PLEC: variants seen among roughly 807,000 people sequenced by gnomAD.
PLEC encodes the protein plectin.
In PLEC, 216 loss-of-function variants were observed where a neutral mutation model predicts 392.8. That is an observed-to-expected ratio of 0.55 (90% CI 0.49 to 0.62). PLEC has a LOEUF of 0.62. PLEC is among the 20% of genes least tolerant of loss of function. The pLI is 0.00. For synonymous variants in PLEC, 3,621 were observed against 2,980.6 expected, an observed-to-expected ratio of 1.21 and a Z score of -7.00; for missense variants, 6,863 against 6,563.4, an observed-to-expected ratio of 1.05 and a Z score of -1.58.
chr8:143,922,768 C>T lies in PLEC; in HGVS notation c.7161G>A (p.Leu2387=), dbSNP rs781982762. The change falls in exon 31 of 32, where the codon CTG becomes CTA. Residue 2387 remains leucine (L), a synonymous_variant. Transcript: ENST00000345136. ...EMSAEAERLK[L]RVAEMSRAQA... is the part of the protein sequence containing the mutation. ...GGGCTCGGCTCATCTCGGCCACACG[C>T]AGCTTGAGGCGCTCAGCCTCAGCGC... 3.2e-5 allele frequency: 52 copies of T among 1,606,074 alleles called. No individual in the cohort carries two copies. Among genetic ancestry groups the T allele is most frequent in the Non-Finnish European group, 3.9e-5 (46 of 1,178,372 alleles).
chr8:143,922,259 T>C lies in PLEC; in HGVS notation c.7562A>G (p.Gln2521Arg). ...CTGCTGTGCCTTGGCCACCTCGTCC[T>C]GGAAGAGCTGCTCCAGCTTGGCCTT... ...QEKAKLEQLF[Q>R]DEVAKAQQLR... The change falls in exon 32 of 32, where the codon CAG (glutamine) becomes CGG (arginine). Residue 2521 changes from glutamine to arginine, a missense_variant. Transcript: ENST00000345136. 6.3e-7 allele frequency: 1 copy of C among 1,599,788 alleles called. No homozygotes were observed. Among genetic ancestry groups the C allele is most frequent in the South Asian group, 1.1e-5 (1 of 90,112 alleles).
rs111227648 is a variant in PLEC at position 143,917,179 on chromosome 8, G to A, written c.12642C>T (p.Ile4214=). The stretch of plus-strand genomic sequence containing the variant: ...GGTACTGGTCCAGTGCCGAGCGGTC[G>A]ATGAGGTTCTTGGCGATGGCATCAT... ...DIDDAIAKNL[I]DRSALDQYRA... is the part of the protein sequence containing the mutation. Residue 4214 remains isoleucine, a synonymous_variant, in exon 32 of 32, where the codon ATC becomes ATT. Transcript: ENST00000345136. 4,274 of 1,612,364 alleles carry A rather than the reference G, an allele frequency of 2.7e-3. 7 individuals are homozygous for A. Among genetic ancestry groups the A allele is most frequent in the Non-Finnish European group, 3.3e-3 (3,903 of 1,179,174 alleles).
upstream of PLEC, among the ~76,000 whole-genome samples, chr8:143,951,423 T>G (rs1453055896): frequency 6.6e-6 from 1 of 151,968 alleles, no homozygotes; most frequent in African/African-American, 2.4e-5. Context: ...CCACAGCACA[T>G]GAGGAGGGCT....
At position 143,923,397 on chromosome 8, in the gene PLEC, G is replaced by C. The variant is rs1261275363; in HGVS notation, c.6532C>G (p.Leu2178Val). 16 of 1,610,706 alleles carry C rather than the reference G, an allele frequency of 9.9e-6. No individual in the cohort carries two copies. Among genetic ancestry groups the C allele is most frequent in the Non-Finnish European group, 1.2e-5 (14 of 1,179,712 alleles). ...EKHKKFAEQTLRQKAQVEQEL... is the reference protein window; with the variant it reads ...EKHKKFAEQTVRQKAQVEQEL... ...TGCTCCACCTGCGCCTTCTGCCGCA[G>C]CGTCTGCTCGGCGAATTTCTTATGC... The change falls in exon 31 of 32, where the codon CTG (leucine) becomes GTG (valine). Residue 2178 changes from leucine to valine, a missense_variant. By Grantham distance (32) the Leu-to-Val change is conservative. Transcript: ENST00000345136.
chr8:143,958,793 C>A, upstream of PLEC: 1 of 327,578 alleles, frequency 3.1e-6, no homozygotes, highest in Non-Finnish European at 6.5e-6. The surrounding 1 kb of genome is among the most constrained non-coding windows in gnomAD (Gnocchi z 4.9). Flanking sequence ...AGCCCTCCAA[C>A]ACCGAGACAC....
In PLEC at chr8:143,924,875, C is replaced by T. The variant is rs782726656; in HGVS notation, c.5054G>A (p.Arg1685Gln). ...RRGKAEEQAV[R>Q]QRELAEQELE... ...CTCTTGTTCAGCCAGCTCCCGCTGC[C>T]GGACGGCCTGCTCCTCCGCCTTGCC... Residue 1685 changes from arginine to glutamine, a missense_variant, in exon 31 of 32, where the codon CGG (arginine) becomes CAG (glutamine). By Grantham distance (43) the Arg-to-Gln change is conservative. Transcript: ENST00000345136. 48 of 1,588,608 alleles carry T rather than the reference C, an allele frequency of 3.0e-5. No homozygotes were observed. Among genetic ancestry groups the T allele is most frequent in the Admixed American group, 8.4e-5 (5 of 59,332 alleles).
At chr8:143,958,750 T>C (rs1404752913), upstream of PLEC, 1 of 388,476 alleles carries the variant, frequency 2.6e-6, no homozygotes, top group Non-Finnish European at 5.5e-6. This position sits in a 1 kb window ranked among gnomAD's most constrained non-coding sequence, Gnocchi z 4.9. Flanking sequence ...GCTTCTCACC[T>C]GATCCATGGT....
chr8:143,961,370 C>T (rs1441415438), intron 1 of PLEC, among the ~76,000 whole-genome samples: 5 of 152,162 alleles, frequency 3.3e-5, no homozygotes, highest in African/African-American at 9.6e-5. Flanking sequence ...GGATTACAGG[C>T]GTGCACCACC....
At chr8:143,950,395 G>T (rs199886941) in exon 1 of PLEC, 1 of 1,604,042 alleles carries the variant, frequency 6.2e-7, no homozygotes, top group African/African-American at 1.3e-5. Context: ...TCACCATGGC[G>T]ACGGGGCGGC....
intron 1 of PLEC, chr8:143,944,728 C>T: frequency 7.9e-7 from 1 of 1,271,930 alleles, no homozygotes; most frequent in Non-Finnish European, 1.0e-6. Context: ...GGTCACAGGC[C>T]CCTCGGAGGA....
rs782113968 is a variant in PLEC at position 143,923,546 on chromosome 8, CGGGCCTGTGCCT to C, written c.6371_6382del (p.Gln2124_Ala2127del). The C allele has an allele frequency of 1.9e-6, 3 of 1,598,076 alleles. No individual in the cohort carries two copies. The highest frequency in any genetic ancestry group is 2.5e-6 in the Non-Finnish European group (3 of 1,178,134). The stretch of plus-strand genomic sequence containing the variant: ...CTCTGCAGCCGCCTGTGCCTGAGCC[CGGGCCTGTGCCT>C]GCTCCTCTGCCGACTGCTTCAGCCG... On this transcript the variant is annotated inframe_deletion, in exon 31 of 32. Coordinates refer to ENST00000345136, the MANE Select transcript of PLEC (RefSeq NM_201384.3).
chr8:143,925,879 C>T lies in PLEC; in HGVS notation c.4050G>A (p.Leu1350=), dbSNP rs1554704446. Residue 1350 remains leucine (L), a synonymous_variant, in exon 31 of 32, where the codon CTG becomes CTA. Transcript: ENST00000345136. The part of the protein sequence containing the change: ...TLRRMEEEER[L]AEQQRAEERE... ...GCTCCTCTGCCCGCTGCTGCTCAGC[C>T]AGCCTCTGTGGCCACAGCAGAGAGA... is the stretch of plus-strand genomic sequence containing the variant. 1 of 1,544,380 alleles carries T rather than the reference C, an allele frequency of 6.5e-7. No homozygotes were observed.
intron 1 of PLEC, among the ~76,000 whole-genome samples, chr8:143,962,648 C>A (rs1832921833): frequency 6.6e-6 from 1 of 152,168 alleles, no homozygotes. Context: ...TGTGGTGAAG[C>A]CTTAGAAGGC....
intron 3 of PLEC, 97 bp from the exon 4 acceptor site, chr8:143,937,339 C>G: frequency 1.1e-6 from 1 of 899,442 alleles, no homozygotes; most frequent in Non-Finnish European, 1.8e-6. Context: ...AGCCAAGGGT[C>G]TTCCCCAGGG....
rs782187697 is a variant in PLEC at position 143,937,024 on chromosome 8, G to A, written c.390C>T (p.Pro130=). 1.9e-5 allele frequency: 31 copies of A among 1,613,016 alleles called. No homozygotes were observed. In the Admixed American group the frequency reaches 5.2e-4, roughly 27 times the overall value. ...TCCAGATGAGGCCAAGGGTCAGCTT[G>A]GGGTTGCCGTCAGCGATGTCATCAT... The part of the protein sequence containing the change: ...IRNDDIADGN[P]KLTLGLIWTI... The change falls in exon 5 of 32, where the codon CCC becomes CCT. Residue 130 remains proline (P), a synonymous_variant. Coordinates refer to ENST00000345136, the MANE Select transcript of PLEC (RefSeq NM_201384.3).
intron 2 of PLEC, 134 bp downstream of exon 2, chr8:143,938,497 A>G: frequency 6.4e-7 from 1 of 1,563,132 alleles, no homozygotes. Flanking sequence ...AAGAGGACAG[A>G]AAATAACAGG....
chr8:143,918,521 GC>G lies in PLEC; in HGVS notation c.11299del (p.Ala3767ArgfsTer20). ...LHDRLLSAER[A>X]VTGYRDPYTE... ...GTAGGGGTCACGGTAGCCGGTGACC[GC>G]CCGCTCAGCCGAGAGCAGGCGGTCG... On this transcript the variant is annotated frameshift_variant, in exon 32 of 32. Coordinates refer to ENST00000345136, the MANE Select transcript of PLEC (RefSeq NM_201384.3). LOFTEE classifies it high-confidence loss of function. The G allele has an allele frequency of 6.2e-7, 1 of 1,607,266 alleles. No homozygotes were observed. Among genetic ancestry groups the G allele is most frequent in the Non-Finnish European group, 8.5e-7 (1 of 1,178,108 alleles).
rs1554724116 is a variant in PLEC at position 143,937,165 on chromosome 8, C to G, written c.342G>C (p.Gln114His). 8 of 1,612,290 alleles carry G rather than the reference C, an allele frequency of 5.0e-6. No individual in the cohort carries two copies. Residue 114 changes from glutamine to histidine, a missense_variant and splice_region_variant, in exon 4 of 32, where the codon CAG (glutamine) becomes CAC (histidine). By Grantham distance (24) the Gln-to-His change is conservative. Transcript: ENST00000345136. ...CCCAGGGCCTGCCGGGCAGCCTTAC[C>G]TGGCGGTGCCGGAGGTAGTCCAGGG... ...QIALDYLRHRQVKLVNIRNDD... is the reference protein window; with the variant it reads ...QIALDYLRHRHVKLVNIRNDD...
intron 19 of PLEC, among the ~76,000 whole-genome samples, chr8:143,931,233 C>T (rs1223931961): frequency 6.6e-6 from 1 of 152,176 alleles, no homozygotes; most frequent in Non-Finnish European, 1.5e-5. Context: ...GGCGGCCCGG[C>T]TTGGACCGGC....
Sources: allele counts gnomAD v4.1 joint callset (sites outside exome capture counted in the v4.1 genomes callset), GRCh38; gene constraint gnomAD v4.1.1; non-coding constraint Gnocchi (gnomAD v3.1); transcripts MANE v1.5; gene names NCBI Gene and HGNC (gene_info 2026-07-23, HGNC 2026-07-21).